CACNG2: variants seen among roughly 807,000 people sequenced by gnomAD.
CACNG2 encodes the protein voltage-dependent calcium channel gamma-2 subunit.
A neutral mutation model predicts 25.9 loss-of-function variants in CACNG2; 3 were observed. That is an observed-to-expected ratio of 0.12 (90% confidence interval 0.05 to 0.30). The LOEUF is 0.30. CACNG2 is among the 10% of genes least tolerant of loss of function. CACNG2 has a pLI of 1.00. For missense variants in CACNG2, 341 were observed against 432.5 expected (o/e 0.79, Z 1.88); for synonymous variants, 167 against 173.3 (o/e 0.96, Z 0.29).
At chr22:36,685,210 C>T (rs964152176) in intron 1 of CACNG2, among the ~76,000 whole-genome samples, 2 of 152,162 alleles carry the variant, frequency 1.3e-5, no homozygotes, top group Non-Finnish European at 2.9e-5. Context: ...GCAGGCCTCT[C>T]TCTGCATCCT....
intron 1 of CACNG2, among the ~76,000 whole-genome samples, chr22:36,623,601 G>C (rs1047050507): frequency 6.6e-6 from 1 of 152,140 alleles, no homozygotes; most frequent in Non-Finnish European, 1.5e-5. Context: ...TGCCCCCGGT[G>C]ACTTCGTTAG....
chr22:36,664,969 C>T (rs1936854410), intron 1 of CACNG2, among the ~76,000 whole-genome samples: 1 of 152,122 alleles, frequency 6.6e-6, no homozygotes, highest in African/African-American at 2.4e-5. Flanking sequence ...CATGAAGGGC[C>T]AGGCTGGTGC....
chr22:36,679,193 CCTTCCTTTCTTTCTTTCTTTCTTTCTTT>C (rs1937059912), intron 1 of CACNG2, among the ~76,000 whole-genome samples: 1 of 49,240 alleles, frequency 2.0e-5, no homozygotes, highest in Non-Finnish European at 4.4e-5. Flanking sequence ...TTCCTTCCTT[CCTTCCTTTCTTTCTTTCTTTCTTTCTTT>C]CTTTCTTTCC....
At chr22:36,652,459 C>G (rs1413365248) in intron 1 of CACNG2, among the ~76,000 whole-genome samples, 1 of 152,146 alleles carries the variant, frequency 6.6e-6, no homozygotes, top group Non-Finnish European at 1.5e-5. Flanking sequence ...CACATGAAAA[C>G]CCTTCTTCCT....
At position 36,655,570 on chromosome 22, in the gene CACNG2, G is replaced by A. The variant is rs138993567; in HGVS notation, c.211+46796C>T. Among the ~76,000 whole-genome samples the A allele has an allele frequency of 3.3e-3, 498 of 152,308 alleles. 4 individuals are homozygous for A. Among genetic ancestry groups the A allele is most frequent in the African/African-American group, 0.011 (470 of 41,560 alleles). ...AGATTCAGCCCATAGCTAAGACTGT[G>A]GTGGCTGGCACACATTAGGTATTTA... On this transcript the variant is annotated intron_variant, in intron 1 of 3. Transcript: ENST00000300105.
intron 1 of CACNG2, among the ~76,000 whole-genome samples, chr22:36,631,360 C>G (rs1936267844): frequency 6.6e-6 from 1 of 152,122 alleles, no homozygotes; most frequent in Non-Finnish European, 1.5e-5. Flanking sequence ...GACCCTTCCT[C>G]CCTTCTCACA....
At chr22:36,673,698 G>A (rs1320678457) in intron 1 of CACNG2, among the ~76,000 whole-genome samples, 2 of 152,150 alleles carry the variant, frequency 1.3e-5, no homozygotes, top group Non-Finnish European at 2.9e-5. Flanking sequence ...AGGACCGCAG[G>A]TAGGAGAGAG....
chr22:36,685,805 G>A (rs373118977), intron 1 of CACNG2, among the ~76,000 whole-genome samples: 1 of 152,212 alleles, frequency 6.6e-6, no homozygotes, highest in Non-Finnish European at 1.5e-5. Context: ...CCCTTCCTCC[G>A]TCCATCTTTC....
chr22:36,676,507 C>T (rs560538007), intron 1 of CACNG2, among the ~76,000 whole-genome samples: 54 of 152,330 alleles, frequency 3.5e-4, no homozygotes, highest in African/African-American at 1.3e-3. Flanking sequence ...GGCTAAACAA[C>T]TGGCCTAAGG....
chr22:36,623,202 G>C (rs1468741667), intron 1 of CACNG2, among the ~76,000 whole-genome samples: 1 of 151,464 alleles, frequency 6.6e-6, no homozygotes. Flanking sequence ...TGTATTTTTA[G>C]AAGAGATGGG....
intron 1 of CACNG2, among the ~76,000 whole-genome samples, chr22:36,693,248 AC>A (rs1393332432): frequency 4.6e-5 from 7 of 152,340 alleles, no homozygotes; most frequent in African/African-American, 1.7e-4. Context: ...TTCTGTAGCC[AC>A]ATATTTGTAA....
intron 1 of CACNG2, among the ~76,000 whole-genome samples, chr22:36,651,371 G>T (rs1042762528): frequency 6.6e-6 from 1 of 151,224 alleles, no homozygotes; most frequent in Non-Finnish European, 1.5e-5. Flanking sequence ...TGGGATTACA[G>T]ATGGCCACCA....
chr22:36,605,299 C>T (rs931233331), intron 1 of CACNG2, among the ~76,000 whole-genome samples: 3 of 151,920 alleles, frequency 2.0e-5, no homozygotes, highest in African/African-American at 4.8e-5. Context: ...GGTCACGAAC[C>T]CTTGGCCTCA....
rs36124608 is a variant in CACNG2, at chr22:36,564,970, G to A, written c.437-84C>T. ...AAGTCGGCCACAGGGCAGCCGTAAA[G>A]GACGGGGACAGCTGTGTGGGCCTTC... On this transcript the variant is annotated intron_variant, in intron 3 of 3. Transcript: ENST00000300105. The surrounding 1 kb of genome is among the most constrained non-coding windows in gnomAD (Gnocchi z 6.7). The A allele has an allele frequency of 0.067, 86,861 of 1,288,192 alleles. 3,222 individuals carry two copies. Among genetic ancestry groups the A allele is most frequent in the Middle Eastern group, 0.1 (421 of 4,080 alleles). The allele number at this position is 1,288,192 out of a possible 1,614,324, so 79.8% of individuals were successfully genotyped here. A position where few individuals can be genotyped will look rare whatever the true frequency, so the allele number is the denominator to read the frequency against.
At chr22:36,674,671 T>A (rs1391935919) in intron 1 of CACNG2, among the ~76,000 whole-genome samples, 1 of 152,168 alleles carries the variant, frequency 6.6e-6, no homozygotes, top group African/African-American at 2.4e-5. Flanking sequence ...ATTTTACAGA[T>A]GAGGAAACTG....
intron 1 of CACNG2, among the ~76,000 whole-genome samples, chr22:36,628,695 GCT>G (rs1285593915): frequency 2.6e-5 from 4 of 152,074 alleles, no homozygotes; most frequent in African/African-American, 9.7e-5. Context: ...CCCCTAGAAA[GCT>G]CTGATTGTTT....
chr22:36,615,237 T>G (rs944936147), intron 1 of CACNG2, among the ~76,000 whole-genome samples: 1 of 152,244 alleles, frequency 6.6e-6, no homozygotes, highest in African/African-American at 2.4e-5. Context: ...GTACAAGGTT[T>G]GTAGTGATTG....
chr22:36,626,399 CCT>C (rs1035820045), intron 1 of CACNG2, among the ~76,000 whole-genome samples: 3 of 151,518 alleles, frequency 2.0e-5, no homozygotes, highest in African/African-American at 7.3e-5. Flanking sequence ...CTTTTTTTTT[CCT>C]CTCTTTTAAA....
intron 1 of CACNG2, among the ~76,000 whole-genome samples, chr22:36,612,864 A>G (rs750801562): frequency 6.6e-6 from 1 of 152,178 alleles, no homozygotes; most frequent in Non-Finnish European, 1.5e-5. Flanking sequence ...GCTTTTTACC[A>G]GTGGTTTACC....
Sources: allele counts gnomAD v4.1 joint callset (sites outside exome capture counted in the v4.1 genomes callset), GRCh38; gene constraint gnomAD v4.1.1; non-coding constraint Gnocchi (gnomAD v3.1); transcripts MANE v1.5; gene names NCBI Gene and HGNC (gene_info 2026-07-23, HGNC 2026-07-21).